Variants in CFAP77 observed in about 807,000 individuals in gnomAD.
The protein encoded by CFAP77 is cilia- and flagella-associated protein 77.
A neutral mutation model predicts 31.1 loss-of-function variants in CFAP77; 25 were observed. That is an observed-to-expected ratio of 0.80 (90% CI 0.59 to 1.12). CFAP77 has a LOEUF of 1.12. CFAP77 is among the 50% of genes most tolerant of loss of function. The pLI, the probability that CFAP77 is intolerant of heterozygous loss-of-function variation, is 0.00. For synonymous variants in CFAP77, 151 were observed against 159.9 expected, an observed-to-expected ratio of 0.94 and a Z score of 0.42; for missense variants, 377 against 397.3, an observed-to-expected ratio of 0.95 and a Z score of 0.44.
intron 5 of CFAP77, among the ~76,000 whole-genome samples, chr9:132,551,915 A>G (rs1852829218): frequency 6.6e-6 from 1 of 152,238 alleles, no homozygotes. Context: ...ATGAGTGTCC[A>G]GAGTGTCGTG....
At chr9:132,514,244 G>A (rs570602047) in intron 3 of CFAP77, among the ~76,000 whole-genome samples, 1 of 147,688 alleles carries the variant, frequency 6.8e-6, no homozygotes, top group East Asian at 2.0e-4. Context: ...ATTGACCATG[G>A]TGACAGGAGA....
chr9:132,572,408 G>A lies in CFAP77; in HGVS notation c.753G>A (p.Thr251=), dbSNP rs145643796. Residue 251 remains threonine (T), a synonymous_variant, in exon 6 of 6, where the codon ACG becomes ACA. Coordinates refer to ENST00000393216, the MANE Select transcript of CFAP77 (RefSeq NM_001282957.2). ...CACAGGTGGGCCGCCACCTTGATAC[G>A]TTCCCCACGGAGGCCGATCGCCAGA... ...HFQKVGRHLD[T]FPTEADRQRA... is the part of the protein sequence containing the mutation. The A allele has an allele frequency of 2.3e-5, 37 of 1,613,446 alleles. No homozygotes were observed. Among genetic ancestry groups the A allele is most frequent in the African/African-American group, 2.1e-4 (16 of 75,020 alleles).
intron 3 of CFAP77, among the ~76,000 whole-genome samples, chr9:132,524,612 C>CAA (rs369112824): frequency 7.1e-6 from 1 of 141,602 alleles, no homozygotes; most frequent in Admixed American, 7.1e-5. Flanking sequence ...GGCTCTGTCT[C>CAA]AAAAAAAAAA....
chr9:132,435,119 T>C (rs1032273089), intron 1 of CFAP77, among the ~76,000 whole-genome samples: 4 of 152,172 alleles, frequency 2.6e-5, no homozygotes, highest in South Asian at 4.1e-4. Context: ...GATTTGGTAT[T>C]GTATTTATAA....
intron 1 of CFAP77, among the ~76,000 whole-genome samples, chr9:132,450,316 A>C (rs1338382560): frequency 2.7e-5 from 4 of 149,470 alleles, no homozygotes; most frequent in Non-Finnish European, 4.4e-5. Context: ...GGAAACAGGG[A>C]GAAGGATGCA....
rs1014407159 is a variant in CFAP77 at position 132,498,438 on chromosome 9, G to A, written c.196-257G>A. On this transcript the variant is annotated intron_variant, in intron 1 of 5. Coordinates refer to ENST00000393216, the MANE Select transcript of CFAP77 (RefSeq NM_001282957.2). The surrounding 1 kb of genome is among the most constrained non-coding windows in gnomAD (Gnocchi z 4.2). ...CCCACTCCAACAATACACATGTACC[G>A]AGAGGCCCCCCGTCTCTGATGTCTT... 1.3e-5 allele frequency among the ~76,000 whole-genome samples: 2 copies of A among 152,092 alleles called. No homozygotes were observed. Among genetic ancestry groups the A allele is most frequent in the African/African-American group, 2.4e-5 (1 of 41,412 alleles).
chr9:132,484,733 T>TA (rs199843179), intron 1 of CFAP77, among the ~76,000 whole-genome samples: 1 of 151,848 alleles, frequency 6.6e-6, no homozygotes, highest in Non-Finnish European at 1.5e-5. Flanking sequence ...TTTTTTTTTT[T>TA]AAATTTTTGT....
chr9:132,454,304 G>A (rs80190978), intron 1 of CFAP77, among the ~76,000 whole-genome samples: 6,499 of 152,118 alleles, frequency 0.043, 472 homozygotes, highest in African/African-American at 0.15. Flanking sequence ...ATCAGATCAG[G>A]CTGAAAACAC....
chr9:132,509,614 C>T (rs1399218979), intron 3 of CFAP77, among the ~76,000 whole-genome samples: 1 of 152,106 alleles, frequency 6.6e-6, no homozygotes, highest in Non-Finnish European at 1.5e-5. Context: ...ACTAAAAATA[C>T]AAAAATTAGC....
intron 3 of CFAP77, among the ~76,000 whole-genome samples, chr9:132,505,869 G>A (rs547135542): frequency 7.9e-5 from 12 of 152,252 alleles, no homozygotes; most frequent in African/African-American, 2.4e-4. Context: ...GGATTGTCTC[G>A]ATCCCTCAGC....
At chr9:132,572,290 T>C in intron 5 of CFAP77, 98 bp from the exon 6 acceptor site, 1 of 1,381,710 alleles carries the variant, frequency 7.2e-7, no homozygotes, top group East Asian at 2.4e-5. Flanking sequence ...TTTTTATCAT[T>C]ATTCTAAGAT....
intron 1 of CFAP77, among the ~76,000 whole-genome samples, chr9:132,477,914 C>G (rs942505384): frequency 1.3e-5 from 2 of 152,032 alleles, no homozygotes; most frequent in Non-Finnish European, 2.9e-5. Context: ...GCCACAGCTG[C>G]CTGCTCTCTC....
At chr9:132,453,318 A>AGGCGGAGGTTGCAGTGAGCT (rs1554738154) in intron 1 of CFAP77, among the ~76,000 whole-genome samples, 6 of 151,172 alleles carry the variant, frequency 4.0e-5, no homozygotes, top group African/African-American at 7.4e-5. Context: ...TGAGCTCCGG[A>AGGCGGAGGTTGCAGTGAGCT]GTTCGAGACC....
chr9:132,556,823 G>T (rs1852912742), intron 5 of CFAP77, among the ~76,000 whole-genome samples: 1 of 152,206 alleles, frequency 6.6e-6, no homozygotes, highest in African/African-American at 2.4e-5. Context: ...GCCGCTCCTG[G>T]CGCGCTAACG....
In CFAP77 at chr9:132,560,914, G is replaced by A. The variant is rs186248035; in HGVS notation, c.733-11474G>A. Among the ~76,000 whole-genome samples the A allele has an allele frequency of 3.1e-3, 475 of 152,280 alleles. 6 individuals are homozygous for A. Among genetic ancestry groups the A allele is most frequent in the Admixed American group, 7.5e-3 (115 of 15,308 alleles). ...CAGAGCTTGGCTGTTCTTTGAAATCGCAGCATGTGTCAGCAGGGAGGGTCG... is the reference window on the plus strand; with the variant it reads ...CAGAGCTTGGCTGTTCTTTGAAATCACAGCATGTGTCAGCAGGGAGGGTCG... On this transcript the variant is annotated intron_variant, in intron 5 of 5. Coordinates refer to ENST00000393216, the MANE Select transcript of CFAP77 (RefSeq NM_001282957.2).
chr9:132,498,425 A>G lies in CFAP77; in HGVS notation c.196-270A>G, dbSNP rs1851780703. ...GGGGACTGTGCTCCCCACTCCAACAATACACATGTACCGAGAGGCCCCCCG... is the reference window on the plus strand; with the variant it reads ...GGGGACTGTGCTCCCCACTCCAACAGTACACATGTACCGAGAGGCCCCCCG... On this transcript the variant is annotated intron_variant, in intron 1 of 5. Transcript: ENST00000393216. The surrounding 1 kb of genome is among the most constrained non-coding windows in gnomAD (Gnocchi z 4.2). 1.3e-5 allele frequency among the ~76,000 whole-genome samples: 2 copies of G among 151,988 alleles called. No homozygotes were observed. Among genetic ancestry groups the G allele is most frequent in the Non-Finnish European group, 2.9e-5 (2 of 67,970 alleles).
intron 5 of CFAP77, among the ~76,000 whole-genome samples, chr9:132,571,358 T>G (rs1340656596): frequency 6.6e-6 from 1 of 152,074 alleles, no homozygotes; most frequent in African/African-American, 2.4e-5. Context: ...AACCCATCCT[T>G]CGAGACCCCC....
intron 1 of CFAP77, among the ~76,000 whole-genome samples, chr9:132,430,394 C>T (rs1297210072): frequency 1.3e-5 from 2 of 152,148 alleles, no homozygotes; most frequent in Non-Finnish European, 2.9e-5. Flanking sequence ...TCATAATAAA[C>T]TGGTAAGGAA....
At chr9:132,514,497 G>A (rs535852984) in intron 3 of CFAP77, among the ~76,000 whole-genome samples, 13 of 152,222 alleles carry the variant, frequency 8.5e-5, no homozygotes, top group African/African-American at 2.4e-4. Flanking sequence ...CTTTGCCCCC[G>A]GAGCCAGGAT....
Sources: allele counts gnomAD v4.1 joint callset (sites outside exome capture counted in the v4.1 genomes callset), GRCh38; gene constraint gnomAD v4.1.1; non-coding constraint Gnocchi (gnomAD v3.1); transcripts MANE v1.5; gene names NCBI Gene and HGNC (gene_info 2026-07-23, HGNC 2026-07-21).